The following RNF180 variants were observed in gnomAD, a reference collection of about 807,000 sequenced individuals.
RNF180 encodes the protein E3 ubiquitin-protein ligase RNF180.
RNF180 carries 38 observed loss-of-function variants against 59.2 expected under a neutral mutation model. The observed-to-expected ratio is 0.64, with a 90% CI of 0.50 to 0.84. The LOEUF is 0.84. Among genes scored for constraint, RNF180 ranks in the 40% least tolerant of loss-of-function variants. The probability of loss-of-function intolerance (pLI) is 0.00; values close to 1 mark genes in which losing one functional copy is unlikely to be tolerated. For missense variants in RNF180, 705 were observed against 700.9 expected (o/e 1.01, Z -0.07); for synonymous variants, 262 against 240.3 (o/e 1.09, Z -0.84).
intron 1 of RNF180, among the ~76,000 whole-genome samples, chr5:64,173,635 C>T (rs999495564): frequency 6.6e-6 from 1 of 151,950 alleles, no homozygotes; most frequent in Non-Finnish European, 1.5e-5. Flanking sequence ...TTCCCTTTCC[C>T]CTTTCCCTTT....
intron 5 of RNF180, among the ~76,000 whole-genome samples, chr5:64,229,947 C>A (rs1461189970): frequency 6.6e-6 from 1 of 152,188 alleles, no homozygotes; most frequent in Non-Finnish European, 1.5e-5. Context: ...GGAACAAGGT[C>A]ACACCAGTCA....
At chr5:64,367,131 T>C (rs745702074) in intron 7 of RNF180, among the ~76,000 whole-genome samples, 69 of 151,560 alleles carry the variant, frequency 4.6e-4, no homozygotes, top group Non-Finnish European at 8.3e-4. Context: ...TCCTTCAGAA[T>C]TGAAGGATAA....
intron 5 of RNF180, among the ~76,000 whole-genome samples, chr5:64,273,816 G>A (rs1279612204): frequency 3.3e-5 from 5 of 151,920 alleles, no homozygotes; most frequent in Admixed American, 1.3e-4. Context: ...AGCCACTAGA[G>A]ACAAATTGTA....
At chr5:64,195,726 C>A (rs1313095051) in intron 1 of RNF180, among the ~76,000 whole-genome samples, 1 of 152,070 alleles carries the variant, frequency 6.6e-6, no homozygotes, top group African/African-American at 2.4e-5. Flanking sequence ...TTTAAGAAAT[C>A]AAGACATGTA....
At chr5:64,227,796 A>G (rs1741861088) in intron 5 of RNF180, among the ~76,000 whole-genome samples, 1 of 152,216 alleles carries the variant, frequency 6.6e-6, no homozygotes, top group Non-Finnish European at 1.5e-5. Flanking sequence ...TTTAAGAAAT[A>G]TCTCACTTTT....
chr5:64,275,913 T>C (rs1251432174), intron 5 of RNF180, among the ~76,000 whole-genome samples: 1 of 151,966 alleles, frequency 6.6e-6, no homozygotes, highest in Non-Finnish European at 1.5e-5. Flanking sequence ...CTCTTTAGAG[T>C]GTATTCTGGA....
At chr5:64,263,425 T>C (rs560627443) in intron 5 of RNF180, among the ~76,000 whole-genome samples, 2 of 152,212 alleles carry the variant, frequency 1.3e-5, no homozygotes, top group Non-Finnish European at 2.9e-5. Context: ...TGAGTTAGTA[T>C]GAGTTGTCTC....
intron 5 of RNF180, among the ~76,000 whole-genome samples, chr5:64,317,805 GA>G (rs111496990): frequency 0.34 from 50,699 of 151,318 alleles, 9,491 homozygotes; most frequent in African/African-American, 0.52. Context: ...ATTTTAAATT[GA>G]AAAATGTAAG....
At chr5:64,195,068 A>T (rs531973043) in intron 1 of RNF180, among the ~76,000 whole-genome samples, 3 of 152,304 alleles carry the variant, frequency 2.0e-5, no homozygotes, top group Admixed American at 6.5e-5. Context: ...ATCAGGTATT[A>T]TGTTAGCTTA....
chr5:64,183,441 CTTTTTTTTTT>C (rs367772828), intron 1 of RNF180, among the ~76,000 whole-genome samples: 6 of 89,914 alleles, frequency 6.7e-5, no homozygotes, highest in Admixed American at 2.6e-4. Flanking sequence ...GAAAGTATAC[CTTTTTTTTTT>C]TTTTTTTTTT....
At chr5:64,169,012 A>G (rs966291177) in intron 1 of RNF180, among the ~76,000 whole-genome samples, 2 of 152,184 alleles carry the variant, frequency 1.3e-5, no homozygotes, top group African/African-American at 4.8e-5. Context: ...AGATTACTTA[A>G]GGTTACTTTT....
At chr5:64,304,334 C>T (rs752617643) in intron 5 of RNF180, among the ~76,000 whole-genome samples, 5 of 151,560 alleles carry the variant, frequency 3.3e-5, no homozygotes, top group Non-Finnish European at 5.9e-5. Context: ...AAGGCTATAG[C>T]TGCCATAGAT....
At chr5:64,205,793 A>G (rs1561187795) in intron 2 of RNF180, among the ~76,000 whole-genome samples, 1 of 151,462 alleles carries the variant, frequency 6.6e-6, no homozygotes, top group Non-Finnish European at 1.5e-5. Flanking sequence ...CACAAAGGAG[A>G]AAAAAAAAGA....
chr5:64,183,799 T>C (rs994786397), intron 1 of RNF180, among the ~76,000 whole-genome samples: 11 of 152,186 alleles, frequency 7.2e-5, no homozygotes, highest in Middle Eastern at 3.2e-3. Context: ...TAGTAACATA[T>C]AGTTATCAAA....
At chr5:64,246,217 C>T (rs962075071) in intron 5 of RNF180, among the ~76,000 whole-genome samples, 4 of 151,734 alleles carry the variant, frequency 2.6e-5, no homozygotes, top group African/African-American at 7.3e-5. Flanking sequence ...ACTAGAGAAA[C>T]GAGCAAAGAA....
chr5:64,167,694 A>G (rs72769819), intron 1 of RNF180, among the ~76,000 whole-genome samples: 14,035 of 152,184 alleles, frequency 0.092, 780 homozygotes, highest in South Asian at 0.17. Flanking sequence ...TTACTCTTAC[A>G]ATGTCTTTTT....
chr5:64,323,796 C>T (rs1442869355), intron 5 of RNF180, among the ~76,000 whole-genome samples: 2 of 152,142 alleles, frequency 1.3e-5, no homozygotes, highest in Non-Finnish European at 2.9e-5. Context: ...ATTTAATCCT[C>T]ACAGCAATTT....
intron 7 of RNF180, among the ~76,000 whole-genome samples, chr5:64,350,954 T>C (rs1745780567): frequency 6.6e-6 from 1 of 152,046 alleles, no homozygotes; most frequent in South Asian, 2.1e-4. Flanking sequence ...AGAAAGTCAT[T>C]GGTAGCTTGA....
At position 64,217,366 on chromosome 5, in the gene RNF180, A is replaced by T; in HGVS notation, c.1197A>T (p.Lys399Asn). Residue 399 changes from lysine (K) to asparagine (N), a missense_variant, in exon 5 of 8, where the codon AAA becomes AAT. By Grantham distance (94) the Lys-to-Asn change is moderately conservative. Coordinates refer to ENST00000389100, the MANE Select transcript of RNF180 (RefSeq NM_001113561.2). ...CTAATTTTTTATTTCTCTAGGGTAA[A>T]TACTCAGGAGTGGGATTGCTGGATC... is the stretch of plus-strand genomic sequence containing the variant. ...RRERWLQKQG[K>N]YSGVGLLDHM... 1 of 1,411,376 alleles carries T rather than the reference A, an allele frequency of 7.1e-7. No individual in the cohort carries two copies. The highest frequency in any genetic ancestry group is 9.3e-7 in the Non-Finnish European group (1 of 1,077,548). 87.4% of individuals were successfully genotyped at this position (1,411,376 alleles called of 1,614,324 possible). A position where few individuals can be genotyped will look rare whatever the true frequency, so the allele number is the denominator to read the frequency against.
Sources: gnomAD v4.1 joint callset for allele counts (sites outside exome capture counted in the v4.1 genomes callset) on GRCh38, gnomAD v4.1.1 for gene constraint, MANE v1.5 for transcripts, NCBI Gene and HGNC (gene_info 2026-07-23, HGNC 2026-07-21) for gene names.